Variants in ZNF804B observed in about 807,000 individuals in gnomAD.
The protein encoded by ZNF804B is zinc finger 804B.
Under a neutral mutation model 101.4 loss-of-function variants are expected in ZNF804B, and 80 were observed. The observed-to-expected ratio is 0.79, with a 90% CI of 0.66 to 0.95. The LOEUF is 0.95. Among genes scored for constraint, ZNF804B ranks in the 40% least tolerant of loss-of-function variants. The pLI, the probability that ZNF804B is intolerant of heterozygous loss-of-function variation, is 0.00. For missense variants in ZNF804B, 1,673 were observed against 1,561.9 expected, an observed-to-expected ratio of 1.07 and a Z score of -1.20; for synonymous variants, 622 against 558.8, an observed-to-expected ratio of 1.11 and a Z score of -1.59.
intron 1 of ZNF804B, among the ~76,000 whole-genome samples, chr7:88,877,144 C>G (rs1791966964): frequency 7.2e-6 from 1 of 139,122 alleles, no homozygotes; most frequent in Non-Finnish European, 1.5e-5. Context: ...ACTGAAACCT[C>G]CACCTCCCAG....
intron 1 of ZNF804B, among the ~76,000 whole-genome samples, chr7:88,974,925 C>T (rs1375507388): frequency 2.0e-5 from 3 of 151,282 alleles, no homozygotes; most frequent in Admixed American, 6.6e-5. Flanking sequence ...ACCATTTCCA[C>T]CCCCTGACTT....
intron 1 of ZNF804B, among the ~76,000 whole-genome samples, chr7:89,169,177 T>C (rs1791189248): frequency 6.6e-6 from 1 of 152,080 alleles, no homozygotes; most frequent in Admixed American, 6.5e-5. Context: ...AGGTCTGTGA[T>C]GGTGGGGAAC....
At chr7:89,267,289 C>T (rs1789812000) in intron 2 of ZNF804B, among the ~76,000 whole-genome samples, 1 of 152,108 alleles carries the variant, frequency 6.6e-6, no homozygotes, top group Non-Finnish European at 1.5e-5. Context: ...TGTAATTTCT[C>T]TGTTTTGTAT....
At chr7:89,297,924 T>C (rs1198938884) in intron 2 of ZNF804B, among the ~76,000 whole-genome samples, 1 of 150,960 alleles carries the variant, frequency 6.6e-6, no homozygotes, top group Non-Finnish European at 1.5e-5. Flanking sequence ...TAATATTCTT[T>C]AGAGATATTG....
At chr7:88,951,463 TGCGCAC>T (rs1253859541) in intron 1 of ZNF804B, among the ~76,000 whole-genome samples, 9 of 151,310 alleles carry the variant, frequency 5.9e-5, no homozygotes, top group East Asian at 2.0e-4. Flanking sequence ...CACATGCGCG[TGCGCAC>T]GCGCACGCAC....
chr7:88,905,835 C>T (rs762347541), intron 1 of ZNF804B, among the ~76,000 whole-genome samples: 6 of 148,642 alleles, frequency 4.0e-5, no homozygotes, highest in South Asian at 2.1e-4. Context: ...CAGTGGGACT[C>T]GTAGCAGTTC....
At chr7:89,075,441 C>G (rs1195880440) in intron 1 of ZNF804B, among the ~76,000 whole-genome samples, 1 of 152,158 alleles carries the variant, frequency 6.6e-6, no homozygotes, top group Non-Finnish European at 1.5e-5. Flanking sequence ...GGGTGCAAGC[C>G]TCAAGCCTTG....
At chr7:89,149,335 C>A (rs892692429) in intron 1 of ZNF804B, among the ~76,000 whole-genome samples, 2 of 151,992 alleles carry the variant, frequency 1.3e-5, no homozygotes, top group African/African-American at 4.8e-5. Context: ...AGGTACAAAG[C>A]CTTGGTCAAG....
chr7:89,320,168 G>T (rs1790797036), intron 2 of ZNF804B, among the ~76,000 whole-genome samples: 1 of 151,842 alleles, frequency 6.6e-6, no homozygotes, highest in African/African-American at 2.4e-5. Flanking sequence ...TACACATTCT[G>T]CACATGTACC....
chr7:88,782,758 T>C (rs1288343758), intron 1 of ZNF804B, among the ~76,000 whole-genome samples: 9 of 152,076 alleles, frequency 5.9e-5, no homozygotes, highest in African/African-American at 9.7e-5. Context: ...CTTCTGTGAG[T>C]AGAACTTGCT....
At chr7:88,950,195 G>A (rs1457231078) in intron 1 of ZNF804B, among the ~76,000 whole-genome samples, 1 of 151,854 alleles carries the variant, frequency 6.6e-6, no homozygotes, top group Non-Finnish European at 1.5e-5. Context: ...GTTATCTGCA[G>A]CAGTAGAAAT....
At chr7:88,788,678 A>G (rs991796433) in intron 1 of ZNF804B, among the ~76,000 whole-genome samples, 4 of 152,180 alleles carry the variant, frequency 2.6e-5, no homozygotes, top group Admixed American at 2.6e-4. Flanking sequence ...AATGCAAACA[A>G]CATAGTTGTA....
rs1790740962 is a variant in ZNF804B, at chr7:88,809,307, CT to C, written c.108+49224del. Among the ~76,000 whole-genome samples the C allele has an allele frequency of 6.4e-3, 3 of 466 alleles. No individual in the cohort carries two copies. The South Asian group carries it at 0.14, about 21-fold the overall frequency. The allele number at this position is 466 out of a possible 152,430, so 0.3% of individuals were successfully genotyped here. The stretch of plus-strand genomic sequence containing the variant: ...TACAGAATCTATTATTGCTTGTCAT[CT>C]ATCTATCTATCTATCTATCTATCTA... On this transcript the variant is annotated intron_variant, in intron 1 of 3. Transcript: ENST00000333190.
At chr7:89,009,529 C>CAATGGA (rs1788421616) in intron 1 of ZNF804B, among the ~76,000 whole-genome samples, 1 of 152,066 alleles carries the variant, frequency 6.6e-6, no homozygotes, top group Non-Finnish European at 1.5e-5. Context: ...TTATGTGTCC[C>CAATGGA]CTCAAGTTCA....
At chr7:88,966,414 T>G (rs1236449072) in intron 1 of ZNF804B, among the ~76,000 whole-genome samples, 1 of 151,544 alleles carries the variant, frequency 6.6e-6, no homozygotes, top group Non-Finnish European at 1.5e-5. Context: ...TGGGCCTCAC[T>G]TCTTGAAATT....
At chr7:88,917,430 A>T (rs1469864572) in intron 1 of ZNF804B, among the ~76,000 whole-genome samples, 1 of 152,186 alleles carries the variant, frequency 6.6e-6, no homozygotes, top group Non-Finnish European at 1.5e-5. Context: ...TTCTACAGAA[A>T]ATACAGTTAA....
At chr7:88,965,695 A>G (rs553750650) in intron 1 of ZNF804B, among the ~76,000 whole-genome samples, 29 of 151,642 alleles carry the variant, frequency 1.9e-4, no homozygotes, top group African/African-American at 7.0e-4. Context: ...GTTTGTCCTT[A>G]CAAGCCATTG....
intron 1 of ZNF804B, among the ~76,000 whole-genome samples, chr7:89,130,027 G>T (rs974061850): frequency 2.6e-5 from 4 of 151,968 alleles, no homozygotes; most frequent in Non-Finnish European, 5.9e-5. Flanking sequence ...TAAGGAAGAA[G>T]TTTAAAGTGA....
chr7:88,790,883 T>C (rs1026112232), intron 1 of ZNF804B, among the ~76,000 whole-genome samples: 2 of 152,132 alleles, frequency 1.3e-5, no homozygotes, highest in Admixed American at 6.6e-5. Context: ...AAATGTAAGA[T>C]TTCTGGATTT....
Sources: allele counts gnomAD v4.1 joint callset (sites outside exome capture counted in the v4.1 genomes callset), GRCh38; gene constraint gnomAD v4.1.1; transcripts MANE v1.5; gene names NCBI Gene and HGNC (gene_info 2026-07-23, HGNC 2026-07-21).